EXD3: variants seen among roughly 807,000 people sequenced by gnomAD.
EXD3 encodes exonuclease 3'-5' domain containing 3, also known as exonuclease mut-7 homolog.
A neutral mutation model predicts 98.0 loss-of-function variants in EXD3; 92 were observed. The observed-to-expected ratio is 0.94, with a 90% CI of 0.79 to 1.12. EXD3 has a LOEUF of 1.12. Ranked by LOEUF, EXD3 falls within the 50% of genes most tolerant of loss-of-function variation. The pLI is 0.00. For missense variants in EXD3, 1,222 were observed against 1,191.6 expected (o/e 1.03, Z -0.38); for synonymous variants, 569 against 526.0 (o/e 1.08, Z -1.12).
chr9:137,406,712 C>T (rs1470676240), intron 1 of EXD3, among the ~76,000 whole-genome samples: 1 of 152,160 alleles, frequency 6.6e-6, no homozygotes, highest in Non-Finnish European at 1.5e-5. Context: ...CCAGCGGCTT[C>T]TGGAAACTTC....
intron 3 of EXD3, 112 bp downstream of exon 3, chr9:137,383,201 G>C (rs1000306492): frequency 5.7e-6 from 5 of 876,598 alleles, no homozygotes; most frequent in Non-Finnish European, 9.1e-6. Context: ...CTGTGGCCGT[G>C]GGGGGCTGTG....
intron 10 of EXD3, chr9:137,353,123 G>T: frequency 8.5e-7 from 1 of 1,177,810 alleles, no homozygotes; most frequent in Admixed American, 4.7e-5. Context: ...TGACCTTCCC[G>T]GCCTCCAAGC....
At chr9:137,377,396 G>A (rs1247006548) in intron 3 of EXD3, 2 of 149,578 alleles carry the variant, frequency 1.3e-5, no homozygotes, top group Non-Finnish European at 2.9e-5. Context: ...AGTGAGCTGA[G>A]ATTGTGCCAT....
At chr9:137,372,761 G>A in intron 5 of EXD3, 144 bp downstream of exon 5, 5 of 835,418 alleles carry the variant, frequency 6.0e-6, no homozygotes, top group South Asian at 1.8e-5. Flanking sequence ...GCTGATGGCT[G>A]CCCACGGCCG....
At chr9:137,406,201 G>C (rs1189368841) in intron 1 of EXD3, among the ~76,000 whole-genome samples, 1 of 140,344 alleles carries the variant, frequency 7.1e-6, no homozygotes, top group Non-Finnish European at 1.5e-5. Context: ...GGGTGACAGA[G>C]CAAGACCCTG....
rs569380490 is a variant in EXD3, at chr9:137,411,423, C to T, written c.-48+11691G>A. On this transcript the variant is annotated intron_variant, in intron 1 of 21. Coordinates refer to ENST00000340951, the MANE Select transcript of EXD3 (RefSeq NM_017820.5). ...GAGGCCTGGCCAGACACCCGGCGGC[C>T]TCCCAGGGAGCCTCCACAGGAAGGC... 1.3e-4 allele frequency among the ~76,000 whole-genome samples: 20 copies of T among 152,096 alleles called. No individual in the cohort carries two copies. In the East Asian group the frequency reaches 3.9e-3, roughly 30 times the overall value.
chr9:137,339,531 G>T (rs1039739879), intron 17 of EXD3, among the ~76,000 whole-genome samples: 3 of 147,194 alleles, frequency 2.0e-5, no homozygotes, highest in African/African-American at 7.5e-5. Flanking sequence ...ACAGACCAAA[G>T]TCCGCAATGT....
intron 1 of EXD3, among the ~76,000 whole-genome samples, chr9:137,408,905 TA>T (rs1043053831): frequency 3.3e-5 from 5 of 152,212 alleles, no homozygotes; most frequent in African/African-American, 1.2e-4. Flanking sequence ...GGGCTGTTTT[TA>T]TCCCTGAGCT....
At chr9:137,330,169 G>A (rs1250496373) in intron 17 of EXD3, among the ~76,000 whole-genome samples, 8 of 139,714 alleles carry the variant, frequency 5.7e-5, no homozygotes, top group African/African-American at 1.1e-4. Flanking sequence ...GGACTACACC[G>A]GAGCTACACG....
At position 137,385,101 on chromosome 9, in the gene EXD3, C is replaced by A. The variant is rs1836518598; in HGVS notation, c.56-1724G>T. On this transcript the variant is annotated intron_variant, in intron 2 of 21. Coordinates refer to ENST00000340951, the MANE Select transcript of EXD3 (RefSeq NM_017820.5). This position sits in a 1 kb window ranked among gnomAD's most constrained non-coding sequence, Gnocchi z 4.4. ...AGCGAGACTCCGTCTCAGACAAAAA[C>A]CAAAAAACCATAAAACACCGTGGGG... is the stretch of plus-strand genomic sequence containing the variant. Among the ~76,000 whole-genome samples the A allele has an allele frequency of 6.6e-6, 1 of 152,088 alleles. No homozygotes were observed. The highest frequency in any genetic ancestry group is 6.5e-5 in the Admixed American group (1 of 15,270).
At chr9:137,310,651 C>T (rs1356618519) in intron 19 of EXD3, among the ~76,000 whole-genome samples, 1 of 152,178 alleles carries the variant, frequency 6.6e-6, no homozygotes, top group African/African-American at 2.4e-5. Flanking sequence ...GGGTGCACGG[C>T]CTTCCCAGTG....
At chr9:137,356,873 T>C (rs1258556299) in intron 7 of EXD3, among the ~76,000 whole-genome samples, 1 of 152,194 alleles carries the variant, frequency 6.6e-6, no homozygotes, top group Non-Finnish European at 1.5e-5. Context: ...TGCAAGGTCC[T>C]GGGACTGACA....
intron 5 of EXD3, 103 bp downstream of exon 5, chr9:137,372,802 C>A: frequency 8.2e-7 from 1 of 1,225,540 alleles, no homozygotes; most frequent in South Asian, 1.4e-5. Context: ...AGACCAGAAG[C>A]CCCAAACAGC....
chr9:137,366,351 T>G (rs1835256476), intron 7 of EXD3, 142 bp downstream of exon 7: 2 of 1,226,208 alleles, frequency 1.6e-6, no homozygotes. Context: ...CCAGCTGCAG[T>G]CACATGGCAG....
At position 137,347,504 on chromosome 9, in the gene EXD3, C is replaced by T. The variant is rs550463935; in HGVS notation, c.1998+567G>A. The stretch of plus-strand genomic sequence containing the variant: ...TGTCAGCCAGGCTGGAGTGCAGTGG[C>T]GTGATCTCAGCTCACTGTAACCTCT... On this transcript the variant is annotated intron_variant, in intron 17 of 21. Coordinates refer to ENST00000340951, the MANE Select transcript of EXD3 (RefSeq NM_017820.5). The surrounding 1 kb of genome is among the most constrained non-coding windows in gnomAD (Gnocchi z 4.2). Among the ~76,000 whole-genome samples the T allele has an allele frequency of 2.0e-5, 3 of 151,910 alleles. No individual in the cohort carries two copies. Among genetic ancestry groups the T allele is most frequent in the Non-Finnish European group, 2.9e-5 (2 of 67,974 alleles).
chr9:137,365,232 C>G (rs1835165081), intron 7 of EXD3: 1 of 152,194 alleles, frequency 6.6e-6, no homozygotes, highest in African/African-American at 2.4e-5. Context: ...AATGAGGAAA[C>G]AAACTCAGAA....
rs546541133 is a variant in EXD3, at chr9:137,398,616, C to T, written c.-47-3212G>A. Reference sequence around the variant, plus strand: ...CGCGTCCCCAAGACACACTGGCACCCGCGTCCCCAAGACACACAGGCACCC... The same window carrying T: ...CGCGTCCCCAAGACACACTGGCACCTGCGTCCCCAAGACACACAGGCACCC... On this transcript the variant is annotated intron_variant, in intron 1 of 21. Coordinates refer to ENST00000340951, the MANE Select transcript of EXD3 (RefSeq NM_017820.5). Among the ~76,000 whole-genome samples the T allele has an allele frequency of 7.2e-4, 108 of 149,942 alleles. 1 individual carries two copies. The highest frequency in any genetic ancestry group is 2.6e-3 in the African/African-American group (104 of 40,512).
chr9:137,420,057 G>T (rs923275749), intron 1 of EXD3, among the ~76,000 whole-genome samples: 1 of 152,114 alleles, frequency 6.6e-6, no homozygotes, highest in African/African-American at 2.4e-5. Flanking sequence ...CTACTCGGGA[G>T]GCTGAGGCTG....
chr9:137,391,608 G>A (rs1173534828), intron 2 of EXD3, among the ~76,000 whole-genome samples: 1 of 142,846 alleles, frequency 7.0e-6, no homozygotes, highest in Non-Finnish European at 1.5e-5. Flanking sequence ...TCCTGGAGCT[G>A]CTGCCTCTGC....
Sources: allele counts gnomAD v4.1 joint callset (sites outside exome capture counted in the v4.1 genomes callset), GRCh38; gene constraint gnomAD v4.1.1; non-coding constraint Gnocchi (gnomAD v3.1); transcripts MANE v1.5; gene names NCBI Gene and HGNC (gene_info 2026-07-23, HGNC 2026-07-21).